The following DBF4 variants were observed in gnomAD, a reference collection of about 807,000 sequenced individuals.
DBF4 encodes the protein DBF4-CDC7 kinase regulatory subunit, also known as protein DBF4 homolog A.
In DBF4, 25 loss-of-function variants were observed where a neutral mutation model predicts 76.6. The observed-to-expected ratio is 0.33, with a 90% CI of 0.24 to 0.46. The LOEUF (loss-of-function observed/expected upper bound fraction) is 0.46, where lower values mean the gene tolerates loss of function less well. Among genes scored for constraint, DBF4 ranks in the 20% least tolerant of loss-of-function variants. The pLI is 1.00. For missense variants in DBF4, 638 were observed against 760.8 expected (o/e 0.84, Z 1.90); for synonymous variants, 213 against 258.0 (o/e 0.83, Z 1.67).
chr7:87,906,825 A>G (rs1021422482), intron 11 of DBF4, among the ~76,000 whole-genome samples: 2 of 152,214 alleles, frequency 1.3e-5, no homozygotes, highest in Non-Finnish European at 2.9e-5. Flanking sequence ...TGTTCAGAAT[A>G]ATGAAAGCAA....
intron 8 of DBF4, among the ~76,000 whole-genome samples, chr7:87,898,163 T>A (rs755851837): frequency 6.6e-6 from 1 of 152,238 alleles, no homozygotes; most frequent in African/African-American, 2.4e-5. Context: ...TTTCCACTTA[T>A]TCATTTAGAC....
chr7:87,878,305 A>G (rs1839121845), intron 2 of DBF4, 80 bp downstream of exon 2: 15 of 1,191,118 alleles, frequency 1.3e-5, no homozygotes, highest in Non-Finnish European at 1.6e-5. Context: ...TAAATTTTTC[A>G]TTTTGGAAAA....
Position 87,907,579 on chromosome 7 carries a change from C to G in DBF4, c.1441C>G (p.His481Asp). Residue 481 changes from histidine (H) to aspartate (D), a missense_variant, in exon 12 of 12, where the codon CAC becomes GAC. By Grantham distance (81) the His-to-Asp change is moderately conservative. Transcript: ENST00000265728. Reference protein sequence around the residue: ...ENDLEELRVDHYKCNIQASVH... With the variant: ...ENDLEELRVDDYKCNIQASVH... ...TGACTTAGAAGAACTAAGGGTAGATCACTATAAATGTAACATACAGGCATC... is the reference window on the plus strand; with the variant it reads ...TGACTTAGAAGAACTAAGGGTAGATGACTATAAATGTAACATACAGGCATC... 1 of 1,614,040 alleles carries G rather than the reference C, an allele frequency of 6.2e-7. No individual in the cohort carries two copies. Among genetic ancestry groups the G allele is most frequent in the African/African-American group, 1.3e-5 (1 of 75,036 alleles).
At chr7:87,897,992 A>G (rs369419705) in intron 8 of DBF4, among the ~76,000 whole-genome samples, 5 of 152,130 alleles carry the variant, frequency 3.3e-5, no homozygotes, top group African/African-American at 9.7e-5. Context: ...TGGCCAGGCT[A>G]GTCTCTAACT....
chr7:87,903,988 G>A (rs1023504372), intron 10 of DBF4, among the ~76,000 whole-genome samples: 10 of 151,920 alleles, frequency 6.6e-5, no homozygotes, highest in African/African-American at 1.9e-4. Context: ...GAGCCACTGC[G>A]CCTGATCTGT....
At chr7:87,896,281 G>T in intron 6 of DBF4, 193 bp from the exon 7 acceptor site, 1 of 454,434 alleles carries the variant, frequency 2.2e-6, no homozygotes, top group Non-Finnish European at 3.9e-6. Context: ...ATCAATTATA[G>T]CTAGAATGCA....
chr7:87,893,148 T>C (rs1839534506), intron 6 of DBF4, among the ~76,000 whole-genome samples: 1 of 152,150 alleles, frequency 6.6e-6, no homozygotes, highest in Non-Finnish European at 1.5e-5. Flanking sequence ...CCAAGTAAAA[T>C]TGTGGATTTG....
chr7:87,879,094 A>G (rs1839144897), intron 2 of DBF4, among the ~76,000 whole-genome samples: 1 of 152,104 alleles, frequency 6.6e-6, no homozygotes, highest in Non-Finnish European at 1.5e-5. Flanking sequence ...GATTACAGGC[A>G]TGTGCCACCA....
At chr7:87,887,765 T>C (rs912772006) in intron 5 of DBF4, among the ~76,000 whole-genome samples, 2 of 152,106 alleles carry the variant, frequency 1.3e-5, no homozygotes, top group Non-Finnish European at 2.9e-5. Flanking sequence ...AACCCATTAA[T>C]CCATGAATTC....
rs113818185 is a variant in DBF4 at position 87,904,276 on chromosome 7, T to C, written c.925-16T>C. The C allele has an allele frequency of 1.9e-6, 3 of 1,575,158 alleles. No homozygotes were observed. The highest frequency in any genetic ancestry group is 2.6e-6 in the Non-Finnish European group (3 of 1,166,206). ...TAAATACAATTTTTTGATACATGTT[T>C]TTAATTTTGTTTTAGCACCTTCTAA... On this transcript the variant is annotated splice_polypyrimidine_tract_variant and intron_variant, in intron 10 of 11. Coordinates refer to ENST00000265728, the MANE Select transcript of DBF4 (RefSeq NM_006716.4).
rs1267129037 is a variant in DBF4 at position 87,904,318 on chromosome 7, CT to C, written c.954del (p.Phe318LeufsTer17). 1 of 1,612,416 alleles carries C rather than the reference CT, an allele frequency of 6.2e-7. No homozygotes were observed. The highest frequency in any genetic ancestry group is 8.5e-7 in the Non-Finnish European group (1 of 1,179,582). On this transcript the variant is annotated frameshift_variant, in exon 11 of 12. Coordinates refer to ENST00000265728, the MANE Select transcript of DBF4 (RefSeq NM_006716.4). LOFTEE classifies it high-confidence loss of function. Reference protein sequence around the residue: ...THLLSEQHRNFAQSNQYQVVD... With the variant: ...THLLSEQHRNXAQSNQYQVVD... ...ACCTTCTAAGTGAGCAACACAGAAA[CT>C]TTGCACAGAGTAACCAGTATCAAGT...
intron 6 of DBF4, among the ~76,000 whole-genome samples, chr7:87,890,467 G>A (rs1230798596): frequency 6.6e-6 from 1 of 152,186 alleles, no homozygotes; most frequent in Non-Finnish European, 1.5e-5. Flanking sequence ...GGCAGGCAGA[G>A]GTAGCAGTGA....
chr7:87,886,250 C>T (rs1470691366), intron 3 of DBF4, among the ~76,000 whole-genome samples: 2 of 152,096 alleles, frequency 1.3e-5, no homozygotes, highest in Non-Finnish European at 1.5e-5. Flanking sequence ...AGTGAAGTAA[C>T]GGCTGGGTGC....
intron 11 of DBF4, among the ~76,000 whole-genome samples, chr7:87,906,402 T>TA (rs1166150637): frequency 6.6e-6 from 1 of 150,768 alleles, no homozygotes; most frequent in East Asian, 2.0e-4. Context: ...ATGAACAAGA[T>TA]AAAAAAGAAC....
chr7:87,887,545 G>A, intron 5 of DBF4, 147 bp downstream of exon 5: 1 of 980,730 alleles, frequency 1.0e-6, no homozygotes, highest in Non-Finnish European at 1.4e-6. Context: ...CTGAAACTGG[G>A]TAATGTACAA....
At chr7:87,906,706 A>G (rs936448866) in intron 11 of DBF4, among the ~76,000 whole-genome samples, 1 of 152,210 alleles carries the variant, frequency 6.6e-6, no homozygotes, top group Non-Finnish European at 1.5e-5. Flanking sequence ...AATTTAAAAT[A>G]TATGTTTTTG....
chr7:87,898,517 C>A (rs987907419), intron 8 of DBF4, among the ~76,000 whole-genome samples: 2 of 152,030 alleles, frequency 1.3e-5, no homozygotes, highest in Admixed American at 1.3e-4. Flanking sequence ...AAAGGCCAGG[C>A]GCGGTGGCTC....
chr7:87,884,003 T>C (rs1228652161), intron 2 of DBF4, among the ~76,000 whole-genome samples: 1 of 152,206 alleles, frequency 6.6e-6, no homozygotes, highest in East Asian at 1.9e-4. Context: ...CTTTGGTACA[T>C]GTCTTTATAA....
At position 87,900,203 on chromosome 7, in the gene DBF4, G is replaced by A; in HGVS notation, c.681-18G>A. On this transcript the variant is annotated intron_variant, in intron 8 of 11. Transcript: ENST00000265728. ...TAATCATAAAGAATCTCATGTATTTGTCTTTTTATTCTTCTAGACTTTATA... is the reference window on the plus strand; with the variant it reads ...TAATCATAAAGAATCTCATGTATTTATCTTTTTATTCTTCTAGACTTTATA... The A allele has an allele frequency of 6.4e-7, 1 of 1,556,158 alleles. No homozygotes were observed. Among genetic ancestry groups the A allele is most frequent in the Non-Finnish European group, 8.8e-7 (1 of 1,140,636 alleles).
Sources: allele counts gnomAD v4.1 joint callset (sites outside exome capture counted in the v4.1 genomes callset), GRCh38; gene constraint gnomAD v4.1.1; transcripts MANE v1.5; gene names NCBI Gene and HGNC (gene_info 2026-07-23, HGNC 2026-07-21).